Variants in IGSF11 observed in about 807,000 individuals in gnomAD.
IGSF11 encodes the protein CXADR like 1.
IGSF11 carries 22 observed loss-of-function variants against 41.0 expected under a neutral mutation model. The ratio of observed to expected loss-of-function variants is 0.54; its 90% CI spans 0.38 to 0.77. The LOEUF is 0.77. Among genes scored for constraint, IGSF11 ranks in the 30% least tolerant of loss-of-function variants. The probability of loss-of-function intolerance (pLI) is 0.00; values close to 1 mark genes in which losing one functional copy is unlikely to be tolerated. For missense variants in IGSF11, 444 were observed against 530.8 expected, an observed-to-expected ratio of 0.84 and a Z score of 1.61; for synonymous variants, 219 against 201.3, an observed-to-expected ratio of 1.09 and a Z score of -0.74.
In IGSF11 at chr3:119,064,469, T is replaced by C. The variant is rs1448595432; in HGVS notation, c.49+40675A>G. 2.0e-5 allele frequency among the ~76,000 whole-genome samples: 3 copies of C among 151,582 alleles called. No individual in the cohort carries two copies. The South Asian group carries it at 6.3e-4, about 32-fold the overall frequency. On this transcript the variant is annotated intron_variant, in intron 1 of 6. Coordinates refer to the IGSF11 transcript ENST00000354673. ...TTTTAAGTCTTGATGTCTGGTAGTG[T>C]AAGTCCTCCAGCTTTGTTCTTCTGA...
chr3:119,104,904 C>T (rs891813319), intron 1 of IGSF11, among the ~76,000 whole-genome samples: 2 of 152,058 alleles, frequency 1.3e-5, no homozygotes, highest in African/African-American at 4.8e-5. Context: ...GCATTCTCAA[C>T]GTTAAGAATT....
At chr3:119,097,915 C>T (rs940929066) in intron 1 of IGSF11, among the ~76,000 whole-genome samples, 65 of 149,708 alleles carry the variant, frequency 4.3e-4, no homozygotes, top group South Asian at 1.1e-3. Flanking sequence ...CTCAGCCTCC[C>T]AAGTAGCTAG....
chr3:119,029,275 C>CACCCA (rs1553716797), intron 1 of IGSF11, among the ~76,000 whole-genome samples: 1 of 145,470 alleles, frequency 6.9e-6, no homozygotes, highest in African/African-American at 2.6e-5. Context: ...CACACACACA[C>CACCCA]CCGAGAGAGA....
intron 1 of IGSF11, among the ~76,000 whole-genome samples, chr3:119,048,337 A>T (rs1941460333): frequency 6.6e-6 from 1 of 152,034 alleles, no homozygotes; most frequent in African/African-American, 2.4e-5. Flanking sequence ...TCCCACAGAA[A>T]TACAAACTAC....
intron 1 of IGSF11, among the ~76,000 whole-genome samples, chr3:119,045,126 C>G (rs1401375767): frequency 6.6e-6 from 1 of 152,108 alleles, no homozygotes; most frequent in Non-Finnish European, 1.5e-5. Flanking sequence ...GATAAAATCC[C>G]ACAAAAGGGA....
intron 4 of IGSF11, among the ~76,000 whole-genome samples, chr3:118,917,774 T>C (rs1941316923): frequency 6.6e-6 from 1 of 151,136 alleles, no homozygotes; most frequent in African/African-American, 2.4e-5. Context: ...AACATCATTC[T>C]GATACCAAAG....
At chr3:119,017,180 C>T (rs998206656) in intron 1 of IGSF11, among the ~76,000 whole-genome samples, 2 of 151,980 alleles carry the variant, frequency 1.3e-5, no homozygotes, top group Non-Finnish European at 2.9e-5. Flanking sequence ...AATACAGTCA[C>T]GTTTCACTTA....
intron 1 of IGSF11, among the ~76,000 whole-genome samples, chr3:119,052,351 G>A (rs2107437435): frequency 6.6e-6 from 1 of 151,502 alleles, no homozygotes; most frequent in East Asian, 1.9e-4. Flanking sequence ...GTGGTGGTGT[G>A]CGCCTATAAT....
intron 1 of IGSF11, among the ~76,000 whole-genome samples, chr3:119,094,225 A>T (rs1483316202): frequency 3.6e-5 from 2 of 56,048 alleles, no homozygotes; most frequent in African/African-American, 6.6e-5. Flanking sequence ...TAGCGAAGTA[A>T]AAAAAAAAAA....
chr3:119,003,131 T>C (rs1236471466), intron 1 of IGSF11, among the ~76,000 whole-genome samples: 1 of 139,648 alleles, frequency 7.2e-6, no homozygotes, highest in African/African-American at 2.9e-5. Flanking sequence ...CATTTGTTTG[T>C]ATCCTCTTTT....
rs1944646131 is a variant in IGSF11, at chr3:118,952,473, A to C, written c.53-22198T>G. Reference sequence around the variant, plus strand: ...ATTCTAAATCCTTTGTTGTCAGTTCAACATTGTTCACATCTTCACCAGGAG... The same window carrying C: ...ATTCTAAATCCTTTGTTGTCAGTTCCACATTGTTCACATCTTCACCAGGAG... On this transcript the variant is annotated intron_variant, in intron 1 of 6. Transcript: ENST00000393775. 2.6e-5 allele frequency among the ~76,000 whole-genome samples: 4 copies of C among 152,280 alleles called. No individual in the cohort carries two copies. The South Asian group carries it at 8.3e-4, about 32-fold the overall frequency.
chr3:118,997,782 G>A lies in IGSF11; in HGVS notation c.52+36749C>T, dbSNP rs577440970. 1.1e-4 allele frequency among the ~76,000 whole-genome samples: 16 copies of A among 152,158 alleles called. No individual in the cohort carries two copies. The South Asian group carries it at 1.9e-3, about 18-fold the overall frequency. On this transcript the variant is annotated intron_variant, in intron 1 of 6. Coordinates refer to ENST00000393775, the MANE Select transcript of IGSF11 (RefSeq NM_001015887.3). ...TGACCCTAGATAGCTGTCTTAGGAC[G>A]TTACTGTTATGAGGACTTTCAAACA...
At chr3:119,075,152 C>A (rs1406507724) in intron 1 of IGSF11, among the ~76,000 whole-genome samples, 1 of 152,050 alleles carries the variant, frequency 6.6e-6, no homozygotes, top group Non-Finnish European at 1.5e-5. Context: ...GGGGACATTA[C>A]CACAGACCTC....
At position 118,902,526 on chromosome 3, in the gene IGSF11, C is replaced by T. The variant is rs1257862631; in HGVS notation, c.1290G>A (p.Leu430=). Residue 430 remains leucine (L), a synonymous_variant, in exon 7 of 7, where the codon TTG becomes TTA. Transcript: ENST00000393775. ...CACAACATTTCCTCATGTCCTATAC[C>T]AAGGACCCGGCCCGACTCTGGGCTG... ...MVPAQSRAGS[L]V is the part of the protein sequence containing the mutation. 7.3e-7 allele frequency: 1 copy of T among 1,367,146 alleles called. No homozygotes were observed. The highest frequency in any genetic ancestry group is 9.8e-7 in the Non-Finnish European group (1 of 1,023,602). 84.7% of individuals were successfully genotyped at this position (1,367,146 alleles called of 1,614,324 possible). A position where few individuals can be genotyped will look rare whatever the true frequency, so the allele number is the denominator to read the frequency against.
intron 1 of IGSF11, among the ~76,000 whole-genome samples, chr3:119,054,823 G>T (rs1941760157): frequency 6.6e-6 from 1 of 152,188 alleles, no homozygotes; most frequent in Non-Finnish European, 1.5e-5. Flanking sequence ...AATGTGGTGT[G>T]AGAGTAGTGG....
chr3:119,012,237 G>A (rs1477859713), intron 1 of IGSF11, among the ~76,000 whole-genome samples: 4 of 152,070 alleles, frequency 2.6e-5, no homozygotes, highest in Admixed American at 6.6e-5. Context: ...GGAGAAACTG[G>A]CAAACTATCA....
chr3:119,057,557 T>C (rs1941895404), intron 1 of IGSF11, among the ~76,000 whole-genome samples: 1 of 152,154 alleles, frequency 6.6e-6, no homozygotes, highest in Non-Finnish European at 1.5e-5. Context: ...CCAAGGTAAT[T>C]TATAGATTCA....
intron 1 of IGSF11, among the ~76,000 whole-genome samples, chr3:119,019,688 A>G (rs774026727): frequency 6.6e-6 from 1 of 152,204 alleles, no homozygotes; most frequent in East Asian, 1.9e-4. Context: ...ATATCTTGAC[A>G]GACTAGGCCA....
chr3:119,115,399 T>C (rs199547688), intron 1 of IGSF11, among the ~76,000 whole-genome samples: 1 of 152,252 alleles, frequency 6.6e-6, no homozygotes, highest in East Asian at 1.9e-4. Flanking sequence ...CCTCACATCC[T>C]TGGCAGCATT....
Sources: allele counts gnomAD v4.1 joint callset (sites outside exome capture counted in the v4.1 genomes callset), GRCh38; gene constraint gnomAD v4.1.1; transcripts MANE v1.5; gene names NCBI Gene and HGNC (gene_info 2026-07-23, HGNC 2026-07-21).